The following AS3MT variants were observed in gnomAD, a reference collection of about 807,000 sequenced individuals.
AS3MT encodes the protein S-adenosyl-L-methionine:arsenic(III) methyltransferase.
In AS3MT, 47 loss-of-function variants were observed where a neutral mutation model predicts 45.3. The ratio of observed to expected loss-of-function variants is 1.04; its 90% CI spans 0.82 to 1.32. The LOEUF (loss-of-function observed/expected upper bound fraction) is 1.32. AS3MT is among the 40% of genes most tolerant of loss of function. The pLI is 0.00. For synonymous variants in AS3MT, 141 were observed against 152.8 expected (o/e 0.92, Z 0.57); for missense variants, 396 against 451.1 (o/e 0.88, Z 1.11).
chr10:102,882,716 G>T (rs147502881), intron 9 of AS3MT, among the ~76,000 whole-genome samples: 1 of 151,698 alleles, frequency 6.6e-6, no homozygotes, highest in African/African-American at 2.4e-5. Context: ...TTAGCCTCTC[G>T]AGTAGCAGGG....
At chr10:102,888,851 CTATATA>C (rs553598133) in intron 9 of AS3MT, among the ~76,000 whole-genome samples, 22,515 of 89,858 alleles carry the variant, frequency 0.25, 3,246 homozygotes, top group Non-Finnish European at 0.3. Context: ...TCATCAAACC[CTATATA>C]TATATATATA....
At chr10:102,874,256 GAAA>G (rs751101745) in intron 5 of AS3MT, among the ~76,000 whole-genome samples, 1 of 140,016 alleles carries the variant, frequency 7.1e-6, no homozygotes. Context: ...ATCCTCTCGG[GAAA>G]AAAAAAAAAA....
chr10:102,899,902 G>A, intron 10 of AS3MT, among the ~76,000 whole-genome samples: 1 of 152,076 alleles, frequency 6.6e-6, no homozygotes, highest in East Asian at 1.9e-4. Context: ...CCTGGCCTCA[G>A]GTGATCCATT....
chr10:102,875,742 C>T (rs552065032), intron 6 of AS3MT, among the ~76,000 whole-genome samples: 1 of 152,054 alleles, frequency 6.6e-6, no homozygotes, highest in African/African-American at 2.4e-5. Context: ...TTTGCCTCAG[C>T]CTCCCTAGTA....
chr10:102,898,192 G>A (rs952303049), intron 10 of AS3MT, among the ~76,000 whole-genome samples: 1 of 151,960 alleles, frequency 6.6e-6, no homozygotes, highest in African/African-American at 2.4e-5. Flanking sequence ...GGCATGCAGG[G>A]TATTGCATAT....
chr10:102,871,653 G>A (rs575259660), intron 3 of AS3MT, among the ~76,000 whole-genome samples: 2 of 149,212 alleles, frequency 1.3e-5, no homozygotes, highest in Admixed American at 6.7e-5. Context: ...GTGTCAACCC[G>A]GGAGGCGGAG....
chr10:102,883,102 A>G (rs1422642013), intron 9 of AS3MT, among the ~76,000 whole-genome samples: 16 of 100,258 alleles, frequency 1.6e-4, no homozygotes, highest in Admixed American at 9.9e-4. Flanking sequence ...ATATATATAT[A>G]TGGTTTTTTT....
rs141617963 is a variant in AS3MT at position 102,869,888 on chromosome 10, C to G, written c.42+43C>G. ...TGGAATGGCCCAAGTGGAGCCTAGGCTAATGGAAGTCTGGCCTGGCCCGCA... is the reference window on the plus strand; with the variant it reads ...TGGAATGGCCCAAGTGGAGCCTAGGGTAATGGAAGTCTGGCCTGGCCCGCA... On this transcript the variant is annotated intron_variant, in intron 2 of 10. Coordinates refer to ENST00000369880, the MANE Select transcript of AS3MT (RefSeq NM_020682.4). 6.2e-6 allele frequency: 10 copies of G among 1,611,238 alleles called. No individual in the cohort carries two copies. The South Asian group carries it at 7.7e-5, about 12-fold the overall frequency.
At position 102,881,848 on chromosome 10, in the gene AS3MT, A is replaced by T. The variant is rs1844870454; in HGVS notation, c.885+2857A>T. On this transcript the variant is annotated intron_variant, in intron 9 of 10. Transcript: ENST00000369880. This position sits in a 1 kb window ranked among gnomAD's most constrained non-coding sequence, Gnocchi z 4.2. ...ACTCCTGGGCTCAAGCGATTCTCCC[A>T]TCTCAGCCTCCCAAGTAGCTGGGAC... Among the ~76,000 whole-genome samples, 1 of 151,848 alleles carries T rather than the reference A, an allele frequency of 6.6e-6. No homozygotes were observed. Among genetic ancestry groups the T allele is most frequent in the Non-Finnish European group, 1.5e-5 (1 of 67,964 alleles).
chr10:102,886,516 G>A (rs1406560645), intron 9 of AS3MT, among the ~76,000 whole-genome samples: 3 of 151,734 alleles, frequency 2.0e-5, no homozygotes, highest in Non-Finnish European at 2.9e-5. Flanking sequence ...TAGTAGAGAC[G>A]GGGTTTCACC....
chr10:102,888,515 G>C (rs190901488), intron 9 of AS3MT, among the ~76,000 whole-genome samples: 1 of 151,576 alleles, frequency 6.6e-6, no homozygotes, highest in Non-Finnish European at 1.5e-5. Flanking sequence ...TCCACCTCCC[G>C]GGTTCAAGCA....
At position 102,890,705 on chromosome 10, in the gene AS3MT, G is replaced by A. The variant is rs776386959; in HGVS notation, c.1020+27G>A. 8 of 1,591,274 alleles carry A rather than the reference G, an allele frequency of 5.0e-6. No homozygotes were observed. The Admixed American group carries it at 1.3e-4, about 26-fold the overall frequency. ...TTAGTTTGGCTTTCACTACCTGAGA[G>A]AACTATTTTATTTATTTATTTTTGA... On this transcript the variant is annotated intron_variant, in intron 10 of 10. Transcript: ENST00000369880.
chr10:102,875,707 C>T (rs980312688), intron 6 of AS3MT, among the ~76,000 whole-genome samples: 1 of 151,802 alleles, frequency 6.6e-6, no homozygotes, highest in East Asian at 1.9e-4. Flanking sequence ...ACTGCAACCT[C>T]CGCCTCCTGG....
At chr10:102,898,513 C>T (rs1356664664) in intron 10 of AS3MT, among the ~76,000 whole-genome samples, 1 of 151,974 alleles carries the variant, frequency 6.6e-6, no homozygotes, top group Non-Finnish European at 1.5e-5. Flanking sequence ...GGAGGATCAC[C>T]TGGGAGGCAG....
intron 9 of AS3MT, among the ~76,000 whole-genome samples, chr10:102,879,449 G>A (rs1237918124): frequency 4.6e-5 from 7 of 151,866 alleles, no homozygotes; most frequent in Admixed American, 4.6e-4. Flanking sequence ...GAACCACCGT[G>A]CCCAGCCCTC....
At chr10:102,899,669 C>CT (rs538296715) in intron 10 of AS3MT, among the ~76,000 whole-genome samples, 12,749 of 135,154 alleles carry the variant, frequency 0.094, 794 homozygotes, top group East Asian at 0.27. Context: ...CATGTTCATG[C>CT]TTTTTTTTTT....
At chr10:102,899,165 T>C (rs887425903) in intron 10 of AS3MT, among the ~76,000 whole-genome samples, 1 of 152,202 alleles carries the variant, frequency 6.6e-6, no homozygotes. Context: ...CTAATTTTTA[T>C]ATTTTCAGTA....
rs1590218444 is a variant in AS3MT, at chr10:102,872,673, G to C, written c.321+75G>C. On this transcript the variant is annotated intron_variant, in intron 4 of 10. Coordinates refer to ENST00000369880, the MANE Select transcript of AS3MT (RefSeq NM_020682.4). ...TTTGAAAAATAAAGTTGTTTTCTTC[G>C]TGGCTCTTCAAGGATAATTTAAGAA... 2.7e-6 allele frequency: 4 copies of C among 1,476,940 alleles called. No homozygotes were observed. In the South Asian group the frequency reaches 4.0e-5, roughly 15 times the overall value. 91.5% of individuals were successfully genotyped at this position (1,476,940 alleles called of 1,614,324 possible). A position where few individuals can be genotyped will look rare whatever the true frequency, so the allele number is the denominator to read the frequency against.
chr10:102,898,393 C>G (rs1334356622), intron 10 of AS3MT, among the ~76,000 whole-genome samples: 1 of 151,816 alleles, frequency 6.6e-6, no homozygotes, highest in Non-Finnish European at 1.5e-5. Flanking sequence ...GTCAGGAGTT[C>G]AACAGCAGCC....
Sources: allele counts gnomAD v4.1 joint callset (sites outside exome capture counted in the v4.1 genomes callset), GRCh38; gene constraint gnomAD v4.1.1; non-coding constraint Gnocchi (gnomAD v3.1); transcripts MANE v1.5; gene names NCBI Gene and HGNC (gene_info 2026-07-23, HGNC 2026-07-21).